Variants in CNTNAP4 observed in about 807,000 individuals in gnomAD.
The protein encoded by CNTNAP4 is contactin-associated protein-like 4.
CNTNAP4 carries 98 observed loss-of-function variants against 148.4 expected under a neutral mutation model. The observed-to-expected ratio is 0.66, with a 90% CI of 0.56 to 0.78. The LOEUF (loss-of-function observed/expected upper bound fraction) is 0.78. CNTNAP4 is among the 30% of genes least tolerant of loss of function. The pLI is 0.00. For missense variants in CNTNAP4, 1,935 were observed against 1,565.6 expected, an observed-to-expected ratio of 1.24 and a Z score of -3.98; for synonymous variants, 730 against 565.1, an observed-to-expected ratio of 1.29 and a Z score of -4.14.
intron 23 of CNTNAP4, among the ~76,000 whole-genome samples, chr16:76,555,039 G>T (rs12922974): frequency 1.3e-5 from 2 of 151,518 alleles, no homozygotes; most frequent in Non-Finnish European, 2.9e-5. Context: ...AGGGCAACAG[G>T]ATAATTGTTT....
intron 3 of CNTNAP4, among the ~76,000 whole-genome samples, chr16:76,411,826 C>T (rs201183334): frequency 6.6e-6 from 1 of 151,288 alleles, no homozygotes; most frequent in African/African-American, 2.4e-5. Context: ...AAAGACAATA[C>T]ACATTCAGAA....
At chr16:76,363,608 A>G (rs2013714800) in intron 3 of CNTNAP4, among the ~76,000 whole-genome samples, 1 of 152,234 alleles carries the variant, frequency 6.6e-6, no homozygotes, top group African/African-American at 2.4e-5. Flanking sequence ...TTTTAAATAT[A>G]CCAAAAGCAC....
chr16:76,443,563 C>A (rs1478643452), intron 4 of CNTNAP4, among the ~76,000 whole-genome samples: 1 of 152,010 alleles, frequency 6.6e-6, no homozygotes, highest in South Asian at 2.1e-4. Context: ...TGCACTCCAG[C>A]CTAGGTGACA....
At chr16:76,418,514 C>CG (rs2144974513) in intron 3 of CNTNAP4, among the ~76,000 whole-genome samples, 1 of 151,484 alleles carries the variant, frequency 6.6e-6, no homozygotes, top group South Asian at 2.1e-4. Flanking sequence ...CACTTCTGTT[C>CG]CAGCATTTTT....
chr16:76,440,576 A>G (rs1449796792), intron 4 of CNTNAP4, among the ~76,000 whole-genome samples: 1 of 152,170 alleles, frequency 6.6e-6, no homozygotes, highest in Non-Finnish European at 1.5e-5. Flanking sequence ...ATTTATTTTC[A>G]GAGAATAGGT....
chr16:76,415,284 A>G (rs146422804), intron 3 of CNTNAP4, among the ~76,000 whole-genome samples: 68 of 151,362 alleles, frequency 4.5e-4, no homozygotes, highest in African/African-American at 1.5e-3. Flanking sequence ...TTTAAAACAT[A>G]TTTAATATTG....
At position 76,532,241 on chromosome 16, in the gene CNTNAP4, A is replaced by G. The variant is rs9928903; in HGVS notation, c.2756-3304A>G. Among the ~76,000 whole-genome samples the G allele has an allele frequency of 2.0e-3, 306 of 152,334 alleles. 2 individuals are homozygous for G. Among genetic ancestry groups the G allele is most frequent in the African/African-American group, 7.0e-3 (292 of 41,588 alleles). On this transcript the variant is annotated intron_variant, in intron 17 of 23. Coordinates refer to ENST00000611870, the MANE Select transcript of CNTNAP4 (RefSeq NM_033401.5). Reference sequence around the variant, plus strand: ...GAAAACGGATAAGTCTTCTTTTACCAGATAGTGGTGTGAAGTGCAAAGAAA... The same window carrying G: ...GAAAACGGATAAGTCTTCTTTTACCGGATAGTGGTGTGAAGTGCAAAGAAA...
At chr16:76,318,784 A>C (rs1962096656) in intron 2 of CNTNAP4, among the ~76,000 whole-genome samples, 1 of 148,860 alleles carries the variant, frequency 6.7e-6, no homozygotes, top group African/African-American at 2.5e-5. Context: ...TAATCATAAT[A>C]ATTAATAATT....
At position 76,290,503 on chromosome 16, in the gene CNTNAP4, C is replaced by T. The variant is rs139193086; in HGVS notation, c.85+12756C>T. Among the ~76,000 whole-genome samples the T allele has an allele frequency of 4.6e-5, 7 of 152,268 alleles. No homozygotes were observed. The East Asian group carries it at 9.7e-4, about 21-fold the overall frequency. ...GGCACTCGCTCATGTAGATAACTAA[C>T]GTTTTCTCCTCTGAGTGTACACTGT... is the stretch of plus-strand genomic sequence containing the variant. On this transcript the variant is annotated intron_variant, in intron 1 of 23. Transcript: ENST00000611870.
chr16:76,376,565 C>T (rs567123548), intron 3 of CNTNAP4, among the ~76,000 whole-genome samples: 150 of 152,260 alleles, frequency 9.9e-4, no homozygotes, highest in African/African-American at 3.4e-3. Flanking sequence ...AGAATGGTAC[C>T]TCCTTGGAAA....
intron 2 of CNTNAP4, among the ~76,000 whole-genome samples, chr16:76,320,395 T>G (rs898874061): frequency 1.3e-5 from 2 of 152,134 alleles, no homozygotes; most frequent in African/African-American, 4.8e-5. Context: ...CAATCAGACT[T>G]GATGGTTTGG....
At chr16:76,373,283 C>G (rs1475207485) in intron 3 of CNTNAP4, among the ~76,000 whole-genome samples, 1 of 150,784 alleles carries the variant, frequency 6.6e-6, no homozygotes, top group Admixed American at 6.6e-5. Context: ...ATATATTCCA[C>G]ATAAATATGT....
chr16:76,298,124 G>T (rs1959506396), intron 1 of CNTNAP4, among the ~76,000 whole-genome samples: 1 of 152,014 alleles, frequency 6.6e-6, no homozygotes, highest in African/African-American at 2.4e-5. Flanking sequence ...ACACAGCTGA[G>T]CACACATTTT....
At chr16:76,554,925 C>T (rs2085126984) in intron 23 of CNTNAP4, among the ~76,000 whole-genome samples, 1 of 151,874 alleles carries the variant, frequency 6.6e-6, no homozygotes, top group South Asian at 2.1e-4. Flanking sequence ...GCTTTTAGTT[C>T]TCTTTCCCAT....
At chr16:76,324,162 C>G (rs892910292) in intron 2 of CNTNAP4, among the ~76,000 whole-genome samples, 10 of 152,122 alleles carry the variant, frequency 6.6e-5, no homozygotes, top group Non-Finnish European at 1.2e-4. Flanking sequence ...ACAGGATGCT[C>G]CCGCCTTAGG....
chr16:76,438,839 A>G (rs1310522351), intron 4 of CNTNAP4, among the ~76,000 whole-genome samples: 3 of 152,118 alleles, frequency 2.0e-5, no homozygotes, highest in Admixed American at 2.0e-4. Flanking sequence ...ACACCAAACA[A>G]ATTTAAATCT....
At chr16:76,543,077 A>G (rs967751884) in intron 21 of CNTNAP4, among the ~76,000 whole-genome samples, 11 of 152,206 alleles carry the variant, frequency 7.2e-5, no homozygotes, top group Non-Finnish European at 1.0e-4. Context: ...TAAGGTTTTT[A>G]CTCAAGAGTT....
At chr16:76,361,436 C>T (rs987686385) in intron 3 of CNTNAP4, among the ~76,000 whole-genome samples, 4 of 152,056 alleles carry the variant, frequency 2.6e-5, no homozygotes, top group Non-Finnish European at 4.4e-5. Flanking sequence ...TTTCACTTAG[C>T]GTTATGTCGT....
chr16:76,336,584 A>C (rs2144306156), intron 2 of CNTNAP4, among the ~76,000 whole-genome samples: 1 of 152,364 alleles, frequency 6.6e-6, no homozygotes, highest in South Asian at 2.1e-4. Flanking sequence ...GACCTGAACC[A>C]GGTTGCCAGG....
Sources: allele counts gnomAD v4.1 joint callset (sites outside exome capture counted in the v4.1 genomes callset), GRCh38; gene constraint gnomAD v4.1.1; transcripts MANE v1.5; gene names NCBI Gene and HGNC (gene_info 2026-07-23, HGNC 2026-07-21).